Variants in WWOX observed in about 807,000 individuals in gnomAD.
The protein encoded by WWOX is WW domain-containing oxidoreductase.
Under a neutral mutation model 46.2 loss-of-function variants are expected in WWOX, and 69 were observed. That is an observed-to-expected ratio of 1.49 (90% CI 1.23 to 1.82). The LOEUF (loss-of-function observed/expected upper bound fraction) is 1.82, where lower values mean the gene tolerates loss of function less well. WWOX is among the 40% of genes most tolerant of loss of function. The pLI is 0.00. For missense variants in WWOX, 919 were observed against 542.6 expected (o/e 1.69, Z -6.89); for synonymous variants, 359 against 202.6 (o/e 1.77, Z -6.56).
chr16:78,127,195 A>G (rs1364881530), intron 4 of WWOX, among the ~76,000 whole-genome samples: 1 of 152,002 alleles, frequency 6.6e-6, no homozygotes, highest in Non-Finnish European at 1.5e-5. Context: ...CAGTACTCCT[A>G]CTTTGCAAAG....
chr16:79,101,909 G>A (rs182110055), intron 8 of WWOX, among the ~76,000 whole-genome samples: 6 of 151,268 alleles, frequency 4.0e-5, no homozygotes, highest in Admixed American at 4.0e-4. Context: ...GAAACACTCA[G>A]GGAGGTAGGA....
At chr16:78,523,063 C>A (rs1369256008) in intron 8 of WWOX, among the ~76,000 whole-genome samples, 1 of 152,020 alleles carries the variant, frequency 6.6e-6, no homozygotes, top group South Asian at 2.1e-4. Flanking sequence ...CAGAGTGAAA[C>A]CCATCCCCCA....
chr16:79,140,129 GGTT>G (rs1173366335), intron 8 of WWOX, among the ~76,000 whole-genome samples: 1 of 152,160 alleles, frequency 6.6e-6, no homozygotes, highest in Non-Finnish European at 1.5e-5. Context: ...TGTGTTTTGT[GGTT>G]GTTGTTATTG....
chr16:79,119,770 C>T (rs1045552477), intron 8 of WWOX, among the ~76,000 whole-genome samples: 2 of 152,174 alleles, frequency 1.3e-5, no homozygotes, highest in Non-Finnish European at 2.9e-5. Flanking sequence ...CTCCACGATG[C>T]TGTTGTGCTG....
At chr16:79,077,840 G>C (rs8049292) in intron 8 of WWOX, 68,438 of 151,920 alleles carry the variant, frequency 0.45, 15,850 homozygotes, top group Admixed American at 0.55. Context: ...AAGAAGTCCT[G>C]TGCAAGGATC....
intron 8 of WWOX, among the ~76,000 whole-genome samples, chr16:79,187,729 A>G (rs541127549): frequency 1.3e-5 from 2 of 151,962 alleles, no homozygotes; most frequent in African/African-American, 4.8e-5. Context: ...TTTAGTAGAG[A>G]TGGGGTTTCA....
At chr16:78,850,327 T>C (rs762878874) in intron 8 of WWOX, among the ~76,000 whole-genome samples, 24 of 152,174 alleles carry the variant, frequency 1.6e-4, no homozygotes, top group Non-Finnish European at 3.4e-4. Flanking sequence ...TAATATTAGT[T>C]ATAATACATT....
intron 8 of WWOX, among the ~76,000 whole-genome samples, chr16:78,761,389 A>G (rs2049790023): frequency 1.3e-5 from 2 of 152,110 alleles, no homozygotes; most frequent in African/African-American, 4.8e-5. Flanking sequence ...TAGCATTTAC[A>G]TTTTAATTTA....
Position 78,593,816 on chromosome 16 carries a change from A to C in WWOX, c.1056+161064A>C, listed in dbSNP as rs564134722. On this transcript the variant is annotated intron_variant, in intron 8 of 8. Transcript: ENST00000566780. ...ATGAAACAAAGATAGAGCTAGCATG[A>C]TTGCAAGCTGAGGACATACGAGGAG... is the stretch of plus-strand genomic sequence containing the variant. Among the ~76,000 whole-genome samples the C allele has an allele frequency of 3.3e-5, 5 of 152,206 alleles. No individual in the cohort carries two copies. The South Asian group carries it at 1.0e-3, about 32-fold the overall frequency.
At chr16:78,791,290 G>A (rs554309970) in intron 8 of WWOX, among the ~76,000 whole-genome samples, 5 of 152,254 alleles carry the variant, frequency 3.3e-5, no homozygotes, top group African/African-American at 9.6e-5. Context: ...TTTCCTGTGT[G>A]TCTGGTGATG....
intron 8 of WWOX, among the ~76,000 whole-genome samples, chr16:78,904,330 C>G (rs1359329355): frequency 6.6e-6 from 1 of 151,222 alleles, no homozygotes; most frequent in Non-Finnish European, 1.5e-5. Flanking sequence ...CCTCTGCCTC[C>G]CGGGTTCAAG....
intron 4 of WWOX, among the ~76,000 whole-genome samples, chr16:78,129,168 C>T (rs1267690098): frequency 6.6e-6 from 1 of 152,124 alleles, no homozygotes. Context: ...GCCACTTGCC[C>T]AGTGTTTCTT....
At chr16:79,031,054 C>G (rs191265432) in intron 8 of WWOX, among the ~76,000 whole-genome samples, 1 of 148,224 alleles carries the variant, frequency 6.7e-6, no homozygotes, top group Non-Finnish European at 1.5e-5. Flanking sequence ...GATCGAGTCA[C>G]TGCACTCCAG....
intron 8 of WWOX, among the ~76,000 whole-genome samples, chr16:78,608,484 T>C (rs951449804): frequency 6.6e-6 from 1 of 152,172 alleles, no homozygotes; most frequent in Admixed American, 6.5e-5. Context: ...GCCACAGTGT[T>C]TTCCCTTTCA....
intron 8 of WWOX, among the ~76,000 whole-genome samples, chr16:78,485,055 A>G (rs1413614948): frequency 6.6e-6 from 1 of 152,076 alleles, no homozygotes; most frequent in Non-Finnish European, 1.5e-5. Flanking sequence ...ACTCCCTAGG[A>G]TGAATGTTGG....
intron 8 of WWOX, among the ~76,000 whole-genome samples, chr16:78,670,649 G>A (rs1321137897): frequency 2.6e-5 from 4 of 152,036 alleles, no homozygotes; most frequent in Admixed American, 1.3e-4. Context: ...GACCTCATTT[G>A]GAAATAAGGC....
chr16:78,411,112 G>A (rs914866714), intron 6 of WWOX, among the ~76,000 whole-genome samples: 1 of 152,104 alleles, frequency 6.6e-6, no homozygotes. Context: ...AATTGTCCAT[G>A]ATTTTTTCTA....
intron 8 of WWOX, among the ~76,000 whole-genome samples, chr16:78,956,895 G>A (rs766216891): frequency 1.4e-4 from 21 of 152,114 alleles, no homozygotes; most frequent in Admixed American, 5.9e-4. Flanking sequence ...CAAAATTCTG[G>A]GAAATAGGAT....
intron 7 of WWOX, among the ~76,000 whole-genome samples, chr16:78,427,984 C>G (rs867538559): frequency 6.6e-6 from 1 of 152,042 alleles, no homozygotes; most frequent in South Asian, 2.1e-4. Flanking sequence ...AGGAGAATTG[C>G]TTGAACTTGG....
Sources: gnomAD v4.1 joint callset for allele counts (sites outside exome capture counted in the v4.1 genomes callset) on GRCh38, gnomAD v4.1.1 for gene constraint, MANE v1.5 for transcripts, NCBI Gene and HGNC (gene_info 2026-07-23, HGNC 2026-07-21) for gene names.